RAD54L: variants seen among roughly 807,000 people sequenced by gnomAD.
RAD54L encodes RAD54 like, also known as DNA repair and recombination protein RAD54-like.
RAD54L carries 74 observed loss-of-function variants against 91.6 expected under a neutral mutation model. That is an observed-to-expected ratio of 0.81 (90% CI 0.67 to 0.98). RAD54L has a LOEUF of 0.98. Ranked by LOEUF, RAD54L falls within the 50% of genes least tolerant of loss-of-function variation. RAD54L has a pLI of 0.00. For missense variants in RAD54L, 887 were observed against 945.7 expected (o/e 0.94, Z 0.81); for synonymous variants, 304 against 349.7 (o/e 0.87, Z 1.46).
Position 46,270,922 on chromosome 1 carries a change from A to G in RAD54L, c.1169+137A>G, listed in dbSNP as rs1187080301. The G allele has an allele frequency of 3.4e-6, 4 of 1,172,238 alleles. No homozygotes were observed. The African/African-American group carries it at 6.0e-5, about 18-fold the overall frequency. 72.6% of individuals were successfully genotyped at this position (1,172,238 alleles called of 1,614,324 possible). A position where few individuals can be genotyped will look rare whatever the true frequency, so the allele number is the denominator to read the frequency against. ...TGGGTTCTGTGTCCTAACTATGGCC[A>G]CTGAATAAACAAGGGAGTCTTGGAG... On this transcript the variant is annotated intron_variant, in intron 10 of 17. Coordinates refer to ENST00000371975, the MANE Select transcript of RAD54L (RefSeq NM_003579.4).
intron 3 of RAD54L, among the ~76,000 whole-genome samples, chr1:46,251,469 A>G (rs1659797065): frequency 6.6e-6 from 1 of 152,198 alleles, no homozygotes; most frequent in Admixed American, 6.5e-5. Flanking sequence ...GGTAATCACT[A>G]TCTTGAATTT....
chr1:46,266,092 A>G (rs777783085), intron 8 of RAD54L, among the ~76,000 whole-genome samples: 2 of 152,186 alleles, frequency 1.3e-5, no homozygotes, highest in Non-Finnish European at 2.9e-5. Flanking sequence ...AAGGCTTTGC[A>G]TAGGAGGTGA....
chr1:46,264,893 G>A (rs919007013), intron 8 of RAD54L, among the ~76,000 whole-genome samples: 1 of 152,178 alleles, frequency 6.6e-6, no homozygotes, highest in African/African-American at 2.4e-5. Flanking sequence ...CTTAGTGACT[G>A]GTCCAATAGG....
intron 9 of RAD54L, 62 bp downstream of exon 9, chr1:46,267,671 A>C: frequency 6.5e-7 from 1 of 1,533,458 alleles, no homozygotes; most frequent in East Asian, 2.2e-5. Context: ...TGGGAGTATA[A>C]CTCCAGCTGA....
intron 2 of RAD54L, 147 bp downstream of exon 2, chr1:46,248,745 G>C (rs1659720047): frequency 1.3e-6 from 1 of 749,016 alleles, no homozygotes; most frequent in Admixed American, 2.1e-5. Context: ...TATGTGCCAG[G>C]CATTGAACAA....
Position 46,278,241 on chromosome 1 carries a change from T to C in RAD54L, c.2203T>C (p.Phe735Leu), listed in dbSNP as rs748279402. The C allele has an allele frequency of 5.6e-6, 9 of 1,613,788 alleles. No homozygotes were observed. The South Asian group carries it at 9.9e-5, about 18-fold the overall frequency. ...TGCCTCCACTGCCATCACCTTCGTC[T>C]TCCACCAGCGTTCTCATGAGGAGCA... is the stretch of plus-strand genomic sequence containing the variant. The part of the protein sequence containing the change: ...DAASTAITFV[F>L]HQRSHEEQRG... Residue 735 changes from phenylalanine to leucine, a missense_variant, in exon 18 of 18, where the codon TTC becomes CTC. Transcript: ENST00000371975.
rs1474911096 is a variant in RAD54L at position 46,272,419 on chromosome 1, C to A, written c.1170-47C>A. 4 of 1,473,266 alleles carry A rather than the reference C, an allele frequency of 2.7e-6. No individual in the cohort carries two copies. The Admixed American group carries it at 6.7e-5, about 25-fold the overall frequency. 91.3% of individuals were successfully genotyped at this position (1,473,266 alleles called of 1,614,324 possible). On this transcript the variant is annotated intron_variant, in intron 10 of 17. Coordinates refer to ENST00000371975, the MANE Select transcript of RAD54L (RefSeq NM_003579.4). ...TGGTAGCTTTTATTCCAGTAGTTAG[C>A]ATGGCAATTTTACCAGCCTCTTGCC...
chr1:46,261,220 A>G (rs764150929), intron 7 of RAD54L, 41 bp from the exon 8 acceptor site: 2 of 1,597,674 alleles, frequency 1.3e-6, no homozygotes, highest in South Asian at 2.3e-5. Context: ...TTTTTTTTCA[A>G]AAGATTCTGA....
intron 12 of RAD54L, 75 bp downstream of exon 12, chr1:46,272,877 A>G (rs1402714026): frequency 2.5e-6 from 4 of 1,588,408 alleles, no homozygotes; most frequent in Non-Finnish European, 3.4e-6. Flanking sequence ...TGGCCTGGCA[A>G]CCCTCACTAA....
At position 46,269,667 on chromosome 1, in the gene RAD54L, T is replaced by G. The variant is rs551786257; in HGVS notation, c.1043-992T>G. Among the ~76,000 whole-genome samples the G allele has an allele frequency of 9.8e-5, 15 of 152,322 alleles. No individual in the cohort carries two copies. The East Asian group carries it at 2.9e-3, about 29-fold the overall frequency. ...CAATTTATACACCTACTGCCTGCCA[T>G]ACCCACCAAAAAACTCTAACTGGAT... On this transcript the variant is annotated intron_variant, in intron 9 of 17. Transcript: ENST00000371975.
At chr1:46,274,500 A>G (rs974254983) in intron 15 of RAD54L, 38 bp from the exon 16 acceptor site, 9 of 1,604,752 alleles carry the variant, frequency 5.6e-6, no homozygotes, top group Non-Finnish European at 7.7e-6. Context: ...AGTTTAGGCT[A>G]TAAGAGGTTC....
chr1:46,268,365 C>G (rs1660324815), intron 9 of RAD54L, among the ~76,000 whole-genome samples: 1 of 152,170 alleles, frequency 6.6e-6, no homozygotes, highest in South Asian at 2.1e-4. Flanking sequence ...CTCCCCTAAT[C>G]CCTGGCAACC....
intron 12 of RAD54L, 137 bp downstream of exon 12, chr1:46,272,939 C>T: frequency 7.7e-7 from 1 of 1,298,408 alleles, no homozygotes; most frequent in South Asian, 1.2e-5. Flanking sequence ...CAACCCTACC[C>T]AAGGCATGAA....
At position 46,248,590 on chromosome 1, in the gene RAD54L, G is replaced by C; in HGVS notation, c.82G>C (p.Gly28Arg). The C allele has an allele frequency of 6.2e-7, 1 of 1,614,128 alleles. No individual in the cohort carries two copies. Among genetic ancestry groups the C allele is most frequent in the South Asian group, 1.1e-5 (1 of 91,084 alleles). ...RSCDDEDWQP[G>R]LVTPRKRKSS... ...CTGTGATGATGAAGACTGGCAACCT[G>C]GCCTAGTGGTGAGCACTCAAGGGGA... The change falls in exon 2 of 18, where the codon GGC becomes CGC. Residue 28 changes from glycine (G) to arginine (R), a missense_variant. Gly to Arg is a moderately radical substitution (Grantham distance 125, BLOSUM62 -2). Coordinates refer to ENST00000371975, the MANE Select transcript of RAD54L (RefSeq NM_003579.4).
At chr1:46,261,512 A>G in intron 8 of RAD54L, 127 bp downstream of exon 8, 1 of 1,202,172 alleles carries the variant, frequency 8.3e-7, no homozygotes, top group Non-Finnish European at 1.2e-6. Flanking sequence ...CTTGGAGACA[A>G]GTGACAGGGA....
rs72899085 is a variant in RAD54L at position 46,259,454 on chromosome 1, C to T, written c.272-510C>T. Among the ~76,000 whole-genome samples, 1,278 of 152,108 alleles carry T rather than the reference C, an allele frequency of 8.4e-3. 18 individuals carry two copies. Among genetic ancestry groups the T allele is most frequent in the Middle Eastern group, 0.037 (11 of 294 alleles). On this transcript the variant is annotated intron_variant, in intron 4 of 17. Coordinates refer to ENST00000371975, the MANE Select transcript of RAD54L (RefSeq NM_003579.4). ...TTGTAATTGAATGGGAGAAATAAAACGGGAAAAGCTCTGATTCAAAGCAGA... is the reference window on the plus strand; with the variant it reads ...TTGTAATTGAATGGGAGAAATAAAATGGGAAAAGCTCTGATTCAAAGCAGA...
chr1:46,261,971 A>G (rs1660141224), intron 8 of RAD54L, among the ~76,000 whole-genome samples: 1 of 152,090 alleles, frequency 6.6e-6, no homozygotes, highest in Non-Finnish European at 1.5e-5. Flanking sequence ...CTCTACTTAA[A>G]AAAGATAAAA....
intron 15 of RAD54L, 72 bp from the exon 16 acceptor site, chr1:46,274,466 G>A: frequency 6.5e-7 from 1 of 1,530,716 alleles, no homozygotes; most frequent in African/African-American, 1.4e-5. Flanking sequence ...TGAGGGAGGA[G>A]CTGGTTGGGC....
rs768058286 is a variant in RAD54L, at chr1:46,272,709, C to T, written c.1282C>T (p.Leu428=). 6.2e-7 allele frequency: 1 copy of T among 1,614,154 alleles called. No homozygotes were observed. Among genetic ancestry groups the T allele is most frequent in the African/African-American group, 1.3e-5 (1 of 75,028 alleles). ...TCAGACTGAGTTATACAAGAGGTTT[C>T]TGAGACAAGCCAAACCGGCAGAAGA... ...PLQTELYKRF[L]RQAKPAEELL... The change falls in exon 12 of 18, where the codon CTG becomes TTG. Residue 428 remains leucine (L), a synonymous_variant. Transcript: ENST00000371975.
Sources: allele counts gnomAD v4.1 joint callset (sites outside exome capture counted in the v4.1 genomes callset), GRCh38; gene constraint gnomAD v4.1.1; transcripts MANE v1.5; gene names NCBI Gene and HGNC (gene_info 2026-07-23, HGNC 2026-07-21).